Variants in CD247 observed in about 807,000 individuals in gnomAD.
CD247 encodes the protein T-cell surface glycoprotein CD3 zeta chain.
Under a neutral mutation model 30.0 loss-of-function variants are expected in CD247, and 13 were observed. The observed-to-expected ratio is 0.43, with a 90% CI of 0.28 to 0.69. The LOEUF (loss-of-function observed/expected upper bound fraction) is 0.69, where lower values mean the gene tolerates loss of function less well. Among genes scored for constraint, CD247 ranks in the 30% least tolerant of loss-of-function variants. CD247 has a pLI of 0.16. For synonymous variants in CD247, 72 were observed against 80.0 expected (o/e 0.90, Z 0.53); for missense variants, 193 against 212.6 (o/e 0.91, Z 0.57).
chr1:167,474,752 CTTT>C (rs1175876563), intron 1 of CD247, among the ~76,000 whole-genome samples: 12 of 123,272 alleles, frequency 9.7e-5, no homozygotes, highest in Admixed American at 8.4e-5. Context: ...TTAAAACTGT[CTTT>C]TTTTTTTTTT....
chr1:167,451,616 A>G (rs1652354608), intron 1 of CD247, among the ~76,000 whole-genome samples: 2 of 152,286 alleles, frequency 1.3e-5, no homozygotes, highest in South Asian at 4.1e-4. Flanking sequence ...TTCCTCATCC[A>G]TTAACACTAA....
At chr1:167,485,877 G>A (rs1654185466) in intron 1 of CD247, among the ~76,000 whole-genome samples, 1 of 152,190 alleles carries the variant, frequency 6.6e-6, no homozygotes, top group Non-Finnish European at 1.5e-5. Context: ...TGGATGTTGG[G>A]GGTGGGGAAA....
chr1:167,438,272 G>A (rs1651641257), intron 4 of CD247, among the ~76,000 whole-genome samples: 3 of 152,348 alleles, frequency 2.0e-5, no homozygotes, highest in East Asian at 1.9e-4. Flanking sequence ...GGCAGATGGC[G>A]TCACCGTATG....
At chr1:167,510,404 G>C (rs1655337723) in intron 1 of CD247, among the ~76,000 whole-genome samples, 1 of 152,294 alleles carries the variant, frequency 6.6e-6, no homozygotes, top group Non-Finnish European at 1.5e-5. Context: ...GTAAATACAT[G>C]CTGGCGTGCA....
At chr1:167,510,074 C>T (rs903659143) in intron 1 of CD247, among the ~76,000 whole-genome samples, 1 of 152,198 alleles carries the variant, frequency 6.6e-6, no homozygotes, top group Admixed American at 6.5e-5. Context: ...TTTCTGCTCA[C>T]CTACTCAGAA....
At chr1:167,498,500 T>C (rs530258120) in intron 1 of CD247, among the ~76,000 whole-genome samples, 1 of 152,320 alleles carries the variant, frequency 6.6e-6, no homozygotes, top group Admixed American at 6.5e-5. Context: ...AGACACTCTA[T>C]TTGGCCTTTC....
chr1:167,493,509 A>G (rs1654542544), intron 1 of CD247, among the ~76,000 whole-genome samples: 1 of 152,150 alleles, frequency 6.6e-6, no homozygotes, highest in Non-Finnish European at 1.5e-5. Context: ...GCTGACATTC[A>G]TTGTATCTTT....
intron 1 of CD247, among the ~76,000 whole-genome samples, chr1:167,459,235 T>A (rs573009639): frequency 3.3e-5 from 5 of 152,152 alleles, no homozygotes; most frequent in Non-Finnish European, 5.9e-5. Context: ...TCTGTAACCT[T>A]TAGATATGTT....
intron 1 of CD247, among the ~76,000 whole-genome samples, chr1:167,495,691 C>T (rs1050959519): frequency 9.2e-5 from 14 of 151,644 alleles, no homozygotes; most frequent in South Asian, 8.3e-4. Flanking sequence ...GAACTCAATA[C>T]GTCTGACCTC....
chr1:167,469,801 C>T (rs975873290), intron 1 of CD247, among the ~76,000 whole-genome samples: 1 of 152,214 alleles, frequency 6.6e-6, no homozygotes, highest in Non-Finnish European at 1.5e-5. Context: ...GATGGCATCT[C>T]TGCCTCTCCT....
chr1:167,512,515 C>T (rs1425998499), intron 1 of CD247, among the ~76,000 whole-genome samples: 3 of 152,154 alleles, frequency 2.0e-5, no homozygotes, highest in Admixed American at 2.0e-4. Context: ...CATAATTTAT[C>T]TCACAGATGC....
intron 1 of CD247, among the ~76,000 whole-genome samples, chr1:167,481,747 C>A (rs1021437672): frequency 4.6e-5 from 7 of 152,200 alleles, no homozygotes; most frequent in Non-Finnish European, 1.5e-5. Context: ...CCCATTTCCT[C>A]CAGGAAAAGC....
At chr1:167,486,544 G>A (rs1168472690) in intron 1 of CD247, among the ~76,000 whole-genome samples, 1 of 152,242 alleles carries the variant, frequency 6.6e-6, no homozygotes, top group Non-Finnish European at 1.5e-5. Context: ...CCGGTCCAGG[G>A]CCCGCCTCGA....
At chr1:167,472,930 T>C (rs1033503992) in intron 1 of CD247, among the ~76,000 whole-genome samples, 1 of 152,136 alleles carries the variant, frequency 6.6e-6, no homozygotes, top group Non-Finnish European at 1.5e-5. Context: ...GAAAGATCAG[T>C]GAACATTTGC....
intron 1 of CD247, among the ~76,000 whole-genome samples, chr1:167,496,238 A>G (rs894018398): frequency 6.6e-6 from 1 of 152,250 alleles, no homozygotes; most frequent in African/African-American, 2.4e-5. Flanking sequence ...GTAGGCAGGT[A>G]GTGAGTTGCT....
chr1:167,450,828 G>A (rs1422339351), intron 1 of CD247, among the ~76,000 whole-genome samples: 2 of 150,968 alleles, frequency 1.3e-5, no homozygotes, highest in Non-Finnish European at 2.9e-5. Flanking sequence ...GAGGAGAATC[G>A]CTTGAACCCA....
At chr1:167,492,847 G>A (rs768938464) in intron 1 of CD247, among the ~76,000 whole-genome samples, 3 of 152,120 alleles carry the variant, frequency 2.0e-5, no homozygotes, top group Non-Finnish European at 4.4e-5. Flanking sequence ...GTTATAAAAG[G>A]CATCATTCCA....
At chr1:167,462,802 C>T (rs1199292411) in intron 1 of CD247, among the ~76,000 whole-genome samples, 1 of 152,244 alleles carries the variant, frequency 6.6e-6, no homozygotes, top group Non-Finnish European at 1.5e-5. Context: ...CTCATCCTCC[C>T]CTTCTCCTGT....
chr1:167,458,952 G>A (rs1207155945), intron 1 of CD247, among the ~76,000 whole-genome samples: 66 of 149,268 alleles, frequency 4.4e-4, no homozygotes, highest in African/African-American at 1.3e-3. Flanking sequence ...GTGAAACCCC[G>A]TCTCTACTAA....
Sources: gnomAD v4.1 joint callset for allele counts (sites outside exome capture counted in the v4.1 genomes callset) on GRCh38, gnomAD v4.1.1 for gene constraint, MANE v1.5 for transcripts, NCBI Gene and HGNC (gene_info 2026-07-23, HGNC 2026-07-21) for gene names.